Variants in GRM3 observed in about 807,000 individuals in gnomAD.
The protein encoded by GRM3 is metabotropic glutamate receptor 3.
In GRM3, 26 loss-of-function variants were observed where a neutral mutation model predicts 70.5. That is an observed-to-expected ratio of 0.37 (90% CI 0.27 to 0.51). The LOEUF is 0.51. Ranked by LOEUF, GRM3 falls within the 20% of genes least tolerant of loss-of-function variation. The probability of loss-of-function intolerance (pLI) is 0.93; values close to 1 mark genes in which losing one functional copy is unlikely to be tolerated. For missense variants in GRM3, 859 were observed against 1,123.8 expected, an observed-to-expected ratio of 0.76 and a Z score of 3.37; for synonymous variants, 443 against 434.9, an observed-to-expected ratio of 1.02 and a Z score of -0.23.
At chr7:86,738,502 A>T (rs1381769122) in intron 1 of GRM3, among the ~76,000 whole-genome samples, 1 of 152,226 alleles carries the variant, frequency 6.6e-6, no homozygotes, top group Non-Finnish European at 1.5e-5. Flanking sequence ...ATCTCACTCA[A>T]CTTATTTAAT....
chr7:86,703,946 A>G (rs1467619849), intron 1 of GRM3, among the ~76,000 whole-genome samples: 1 of 151,932 alleles, frequency 6.6e-6, no homozygotes, highest in Non-Finnish European at 1.5e-5. Flanking sequence ...CCCATTCCCC[A>G]AAAAAGCCCA....
intron 1 of GRM3, among the ~76,000 whole-genome samples, chr7:86,682,913 A>G (rs530804293): frequency 6.6e-6 from 1 of 152,344 alleles, no homozygotes; most frequent in South Asian, 2.1e-4. Flanking sequence ...GGCAAGAGAT[A>G]AAGTAGAGAA....
chr7:86,684,308 T>C (rs1308608102), intron 1 of GRM3, among the ~76,000 whole-genome samples: 1 of 152,186 alleles, frequency 6.6e-6, no homozygotes, highest in East Asian at 1.9e-4. Flanking sequence ...GGAGTAATAA[T>C]ACATTCCACA....
chr7:86,646,006 T>TGGG (rs1383756914), intron 1 of GRM3, among the ~76,000 whole-genome samples: 1 of 10,632 alleles, frequency 9.4e-5, no homozygotes, highest in African/African-American at 3.6e-4. Flanking sequence ...GGTGGGGGGG[T>TGGG]GGGGGGGGGT....
intron 3 of GRM3, among the ~76,000 whole-genome samples, chr7:86,798,637 T>C (rs1797612420): frequency 6.6e-6 from 1 of 152,200 alleles, no homozygotes; most frequent in Non-Finnish European, 1.5e-5. Context: ...TGTGGACTTT[T>C]GAGTTAATGC....
intron 2 of GRM3, among the ~76,000 whole-genome samples, chr7:86,769,057 G>A (rs115314040): frequency 0.02 from 2,968 of 152,178 alleles, 104 homozygotes; most frequent in African/African-American, 0.067. Flanking sequence ...GTGAATTTAA[G>A]GCCCTCTTTT....
chr7:86,715,546 C>T (rs1795294128), intron 1 of GRM3, among the ~76,000 whole-genome samples: 2 of 151,968 alleles, frequency 1.3e-5, no homozygotes, highest in African/African-American at 2.4e-5. Flanking sequence ...GCTGGCAGCT[C>T]CTTCCAGACC....
chr7:86,757,451 G>A (rs1370736092), intron 1 of GRM3, among the ~76,000 whole-genome samples: 2 of 152,122 alleles, frequency 1.3e-5, no homozygotes, highest in East Asian at 1.9e-4. Context: ...TACTAATAGA[G>A]TACAGCCAGT....
chr7:86,688,716 A>G (rs1322869581), intron 1 of GRM3, among the ~76,000 whole-genome samples: 1 of 149,090 alleles, frequency 6.7e-6, no homozygotes, highest in Non-Finnish European at 1.5e-5. Context: ...AATATGATAT[A>G]TATCTCTTAC....
rs757830103 is a variant in GRM3 at position 86,780,721 on chromosome 7, T to C, written c.469-5540T>C. Among the ~76,000 whole-genome samples, 5 of 152,276 alleles carry C rather than the reference T, an allele frequency of 3.3e-5. No individual in the cohort carries two copies. The East Asian group carries it at 5.8e-4, about 18-fold the overall frequency. On this transcript the variant is annotated intron_variant, in intron 2 of 5. Coordinates refer to ENST00000361669, the MANE Select transcript of GRM3 (RefSeq NM_000840.3). ...TAGCTTGAAGCTTTCATTGCCCCCGTGGAAATTTCCCAGTAGACTCTTAGA... is the reference window on the plus strand; with the variant it reads ...TAGCTTGAAGCTTTCATTGCCCCCGCGGAAATTTCCCAGTAGACTCTTAGA...
chr7:86,702,838 A>C (rs1317282695), intron 1 of GRM3, among the ~76,000 whole-genome samples: 1 of 151,990 alleles, frequency 6.6e-6, no homozygotes, highest in Non-Finnish European at 1.5e-5. Context: ...CAGGGTCAAA[A>C]GTGAGCCTGT....
At chr7:86,755,126 C>T (rs1451372040) in intron 1 of GRM3, among the ~76,000 whole-genome samples, 1 of 151,830 alleles carries the variant, frequency 6.6e-6, no homozygotes, top group Admixed American at 6.6e-5. Context: ...CCCATCAAGC[C>T]AGGAATGAAT....
rs534744567 is a variant in GRM3, at chr7:86,681,750, C to T, written c.-141+36878C>T. On this transcript the variant is annotated intron_variant, in intron 1 of 5. Coordinates refer to ENST00000361669, the MANE Select transcript of GRM3 (RefSeq NM_000840.3). ...ATCATCTCTTCATACTCTTATATTT[C>T]ATCTTCATGATTTCAACAAGCACAG... Among the ~76,000 whole-genome samples the T allele has an allele frequency of 3.0e-4, 45 of 152,260 alleles. No homozygotes were observed. The South Asian group carries it at 8.9e-3, about 30-fold the overall frequency.
At chr7:86,696,237 A>T (rs1014089673) in intron 1 of GRM3, among the ~76,000 whole-genome samples, 1 of 152,198 alleles carries the variant, frequency 6.6e-6, no homozygotes, top group African/African-American at 2.4e-5. Flanking sequence ...CTTAGATATG[A>T]TTAAATTAAG....
chr7:86,783,192 C>T (rs1231015616), intron 2 of GRM3, among the ~76,000 whole-genome samples: 4 of 152,158 alleles, frequency 2.6e-5, no homozygotes, highest in African/African-American at 9.6e-5. Flanking sequence ...AAAGTTCCTG[C>T]TAACAGCAAC....
chr7:86,845,254 G>C (rs1034130780), intron 4 of GRM3, among the ~76,000 whole-genome samples: 1 of 152,152 alleles, frequency 6.6e-6, no homozygotes, highest in Non-Finnish European at 1.5e-5. Context: ...GTACTCAAAA[G>C]AGGATCAGTG....
At chr7:86,703,369 T>C (rs371432198) in intron 1 of GRM3, among the ~76,000 whole-genome samples, 2 of 151,940 alleles carry the variant, frequency 1.3e-5, no homozygotes, top group East Asian at 3.9e-4. Context: ...GGAATTTCTA[T>C]ATATTCTGAG....
chr7:86,782,165 G>A (rs1038548770), intron 2 of GRM3, among the ~76,000 whole-genome samples: 6 of 151,726 alleles, frequency 4.0e-5, no homozygotes, highest in African/African-American at 1.5e-4. Flanking sequence ...TATATATCCA[G>A]AATTTGTCCT....
intron 1 of GRM3, among the ~76,000 whole-genome samples, chr7:86,665,551 A>T (rs1400599767): frequency 6.6e-6 from 1 of 151,946 alleles, no homozygotes; most frequent in African/African-American, 2.4e-5. Context: ...ACTCTTTCAT[A>T]ATCCCGTCTG....
Sources: allele counts gnomAD v4.1 joint callset (sites outside exome capture counted in the v4.1 genomes callset), GRCh38; gene constraint gnomAD v4.1.1; transcripts MANE v1.5; gene names NCBI Gene and HGNC (gene_info 2026-07-23, HGNC 2026-07-21).